CAMK1D: variants seen among roughly 807,000 people sequenced by gnomAD.
The protein encoded by CAMK1D is calcium/calmodulin dependent protein kinase ID.
CAMK1D carries 9 observed loss-of-function variants against 47.7 expected under a neutral mutation model. The observed-to-expected ratio is 0.19, with a 90% CI of 0.11 to 0.33. CAMK1D has a LOEUF of 0.33. Among genes scored for constraint, CAMK1D ranks in the 10% least tolerant of loss-of-function variants. The pLI is 1.00. For synonymous variants in CAMK1D, 184 were observed against 184.9 expected (o/e 0.99, Z 0.04); for missense variants, 291 against 488.7 (o/e 0.60, Z 3.81).
chr10:12,700,119 A>G (rs1833452877), intron 3 of CAMK1D, among the ~76,000 whole-genome samples: 1 of 152,198 alleles, frequency 6.6e-6, no homozygotes, highest in Non-Finnish European at 1.5e-5. Context: ...ACAGCACAAT[A>G]TAACCCACAG....
chr10:12,552,998 C>T (rs1390623058), intron 1 of CAMK1D, among the ~76,000 whole-genome samples: 1 of 152,168 alleles, frequency 6.6e-6, no homozygotes, highest in Admixed American at 6.5e-5. Context: ...CCGCCTTGGC[C>T]TCCCAAAGTG....
chr10:12,557,551 CAAAA>C (rs5783273), intron 2 of CAMK1D, among the ~76,000 whole-genome samples: 5 of 84,430 alleles, frequency 5.9e-5, no homozygotes, highest in Admixed American at 1.3e-4. Flanking sequence ...GACTCCATCT[CAAAA>C]AAAAAAAAAA....
At chr10:12,709,371 C>G (rs896673436) in intron 3 of CAMK1D, among the ~76,000 whole-genome samples, 3 of 151,786 alleles carry the variant, frequency 2.0e-5, no homozygotes, top group Admixed American at 6.6e-5. Flanking sequence ...CAGAAGGCAC[C>G]AGCTGTCCCC....
chr10:12,427,909 T>C (rs973910656), intron 1 of CAMK1D, among the ~76,000 whole-genome samples: 1 of 151,574 alleles, frequency 6.6e-6, no homozygotes, highest in Non-Finnish European at 1.5e-5. Context: ...GGTTTCACCA[T>C]GTTAGCCAGG....
At chr10:12,800,488 CCACCCAGTGGTCGCTACATGTGGGCA>C (rs1332240541) in intron 6 of CAMK1D, among the ~76,000 whole-genome samples, 5 of 152,332 alleles carry the variant, frequency 3.3e-5, no homozygotes, top group African/African-American at 1.2e-4. Context: ...CAAACAGTGG[CCACCCAGTGGTCGCTACATGTGGGCA>C]CACTCTGACA....
At chr10:12,572,075 G>A (rs1837346239) in intron 2 of CAMK1D, among the ~76,000 whole-genome samples, 2 of 130,136 alleles carry the variant, frequency 1.5e-5, no homozygotes, top group African/African-American at 6.9e-5. Context: ...TAGAATACAT[G>A]AAATCCCAAG....
rs111326175 is a variant in CAMK1D, at chr10:12,753,116, G to A, written c.300-7832G>A. On this transcript the variant is annotated intron_variant, in intron 3 of 10. Coordinates refer to ENST00000619168, the MANE Select transcript of CAMK1D (RefSeq NM_153498.4). The stretch of plus-strand genomic sequence containing the variant: ...AAAATACAAAAATTAGCTGGGCATG[G>A]TGGCGTGTGCCTGTAGTCCCAGATA... Among the ~76,000 whole-genome samples the A allele has an allele frequency of 5.4e-4, 82 of 152,270 alleles. 2 individuals carry two copies. Among genetic ancestry groups the A allele is most frequent in the African/African-American group, 1.8e-3 (76 of 41,572 alleles).
intron 2 of CAMK1D, among the ~76,000 whole-genome samples, chr10:12,664,034 C>A (rs955589352): frequency 1.1e-4 from 17 of 152,234 alleles, no homozygotes; most frequent in Admixed American, 9.2e-4. Context: ...TATGCTTATT[C>A]AAACATTACT....
intron 1 of CAMK1D, among the ~76,000 whole-genome samples, chr10:12,461,524 A>G (rs1588510851): frequency 6.6e-6 from 1 of 152,014 alleles, no homozygotes; most frequent in East Asian, 1.9e-4. Context: ...CCCCGTCCCT[A>G]CTAAAAATAC....
chr10:12,373,989 G>A (rs1201716272), intron 1 of CAMK1D, among the ~76,000 whole-genome samples: 11 of 145,972 alleles, frequency 7.5e-5, no homozygotes, highest in Admixed American at 2.0e-4. Flanking sequence ...TCCAGGTGCA[G>A]TGACTCATGC....
chr10:12,699,411 G>C (rs1234194412), intron 3 of CAMK1D, among the ~76,000 whole-genome samples: 1 of 152,084 alleles, frequency 6.6e-6, no homozygotes, highest in African/African-American at 2.4e-5. Flanking sequence ...TCCTGTTACA[G>C]TTCTTCAAGG....
intron 2 of CAMK1D, among the ~76,000 whole-genome samples, chr10:12,567,115 T>C (rs926611275): frequency 2.0e-5 from 3 of 152,224 alleles, no homozygotes; most frequent in Non-Finnish European, 4.4e-5. Context: ...ACAATGAAGA[T>C]ACTACTTCTC....
At chr10:12,601,100 G>A (rs1357126276) in intron 2 of CAMK1D, among the ~76,000 whole-genome samples, 1 of 151,932 alleles carries the variant, frequency 6.6e-6, no homozygotes, top group Admixed American at 6.6e-5. Flanking sequence ...ATGAGTGCAG[G>A]TATCTTTTTG....
Position 12,431,096 on chromosome 10 carries a change from AAATT to A in CAMK1D, c.92+81188_92+81191del, listed in dbSNP as rs1333839384. ...TGCTATTGTTTTTATTTTTTATAATAAATTAGGAGATGAGCCTCATTTTCTTATT... is the reference window on the plus strand; with the variant it reads ...TGCTATTGTTTTTATTTTTTATAATAAGGAGATGAGCCTCATTTTCTTATT... On this transcript the variant is annotated intron_variant, in intron 1 of 10. Transcript: ENST00000619168. Among the ~76,000 whole-genome samples the A allele has an allele frequency of 9.2e-5, 14 of 152,352 alleles. No homozygotes were observed. In the East Asian group the frequency reaches 1.5e-3, roughly 17 times the overall value.
intron 10 of CAMK1D, among the ~76,000 whole-genome samples, chr10:12,826,874 G>A (rs935606147): frequency 1.3e-5 from 2 of 152,194 alleles, no homozygotes; most frequent in Non-Finnish European, 2.9e-5. Context: ...CACTGGCATC[G>A]GCAGCAAAGC....
chr10:12,523,234 G>A (rs190772498), intron 1 of CAMK1D, among the ~76,000 whole-genome samples: 39 of 151,354 alleles, frequency 2.6e-4, no homozygotes, highest in Admixed American at 2.2e-3. Flanking sequence ...ATGGGCGGCC[G>A]GGAAGAGGCG....
At chr10:12,791,815 T>C (rs1203844887) in intron 6 of CAMK1D, among the ~76,000 whole-genome samples, 1 of 152,230 alleles carries the variant, frequency 6.6e-6, no homozygotes, top group African/African-American at 2.4e-5. Flanking sequence ...CTGCCTTCAC[T>C]TCTTTGGGGT....
intron 1 of CAMK1D, among the ~76,000 whole-genome samples, chr10:12,528,812 G>A (rs1373564082): frequency 2.0e-5 from 3 of 150,114 alleles, no homozygotes; most frequent in Non-Finnish European, 4.4e-5. Context: ...TATGATCATG[G>A]CTCATTGCAG....
intron 3 of CAMK1D, among the ~76,000 whole-genome samples, chr10:12,722,349 G>A (rs754304940): frequency 7.4e-5 from 11 of 149,240 alleles, no homozygotes; most frequent in Non-Finnish European, 1.6e-4. Context: ...GGGAGGCTGA[G>A]GCAGGAGAAT....
Sources: allele counts gnomAD v4.1 joint callset (sites outside exome capture counted in the v4.1 genomes callset), GRCh38; gene constraint gnomAD v4.1.1; transcripts MANE v1.5; gene names NCBI Gene and HGNC (gene_info 2026-07-23, HGNC 2026-07-21).